SNAP23: variants seen among roughly 807,000 people sequenced by gnomAD.
The protein encoded by SNAP23 is synaptosome associated protein 23.
SNAP23 carries 11 observed loss-of-function variants against 29.0 expected under a neutral mutation model. The observed-to-expected ratio is 0.38, with a 90% CI of 0.24 to 0.63. The LOEUF is 0.63. Ranked by LOEUF, SNAP23 falls within the 20% of genes least tolerant of loss-of-function variation. The pLI is 0.58. For synonymous variants in SNAP23, 60 were observed against 82.9 expected, an observed-to-expected ratio of 0.72 and a Z score of 1.50; for missense variants, 220 against 253.9, an observed-to-expected ratio of 0.87 and a Z score of 0.91.
chr15:42,526,579 A>C (rs1193464636), intron 5 of SNAP23, among the ~76,000 whole-genome samples: 1 of 152,200 alleles, frequency 6.6e-6, no homozygotes, highest in Non-Finnish European at 1.5e-5. Flanking sequence ...CTTTTTTCAT[A>C]AAATCTCTTC....
chr15:42,521,476 AC>A (rs1251989718), intron 5 of SNAP23: 11 of 1,344,576 alleles, frequency 8.2e-6, no homozygotes, highest in Non-Finnish European at 1.0e-5. Context: ...TTTCTATGAA[AC>A]CAGGCAGGAA....
chr15:42,511,953 T>C, intron 2 of SNAP23, 50 bp downstream of exon 2: 3 of 1,316,706 alleles, frequency 2.3e-6, no homozygotes, highest in Non-Finnish European at 1.1e-6. Flanking sequence ...AGTTTTCATA[T>C]TGGAGGAGTG....
chr15:42,500,465 C>T (rs775176610), intron 1 of SNAP23, among the ~76,000 whole-genome samples: 31 of 150,870 alleles, frequency 2.1e-4, no homozygotes, highest in Non-Finnish European at 3.5e-4. Flanking sequence ...CTCGGCTCAC[C>T]GCAACCTCTG....
chr15:42,524,948 G>C (rs975110744), intron 5 of SNAP23, among the ~76,000 whole-genome samples: 1 of 152,090 alleles, frequency 6.6e-6, no homozygotes, highest in East Asian at 1.9e-4. Context: ...TGAATGAGAC[G>C]CACTGAACTG....
At chr15:42,494,946 C>A (rs1900921), upstream of SNAP23, among the ~76,000 whole-genome samples, 45,169 of 152,016 alleles carry the variant, frequency 0.3, 8,063 homozygotes, top group African/African-American at 0.5. Context: ...TTCAGTGCCC[C>A]TAGTACAAAG....
chr15:42,531,461 A>C lies in SNAP23; in HGVS notation c.619A>C (p.Lys207Gln). Reference sequence around the variant, plus strand: ...TGATATTGCCAATGCCAGAGCAAAGAAACTCATTGACAGCTAAAGCTACTG... The same window carrying C: ...TGATATTGCCAATGCCAGAGCAAAGCAACTCATTGACAGCTAAAGCTACTG... ...RIDIANARAK[K>Q]LIDS The change falls in exon 8 of 8, where the codon AAA (lysine) becomes CAA (glutamine). Residue 207 changes from lysine (K) to glutamine (Q), a missense_variant. Lys to Gln is a moderately conservative substitution (Grantham distance 53). Coordinates refer to ENST00000249647, the MANE Select transcript of SNAP23 (RefSeq NM_003825.4). 1 of 1,601,882 alleles carries C rather than the reference A, an allele frequency of 6.2e-7. No individual in the cohort carries two copies. Among genetic ancestry groups the C allele is most frequent in the Non-Finnish European group, 8.5e-7 (1 of 1,175,372 alleles).
chr15:42,494,602 G>A (rs1450276479), upstream of SNAP23, among the ~76,000 whole-genome samples: 2 of 149,288 alleles, frequency 1.3e-5, no homozygotes, highest in Admixed American at 1.4e-4. Context: ...TGCAACCTCC[G>A]CCTCCCAGGT....
Position 42,509,682 on chromosome 15 carries a change from T to C in SNAP23, c.-14-2151T>C, listed in dbSNP as rs564228675. Among the ~76,000 whole-genome samples the C allele has an allele frequency of 7.3e-5, 11 of 151,712 alleles. No homozygotes were observed. In the South Asian group the frequency reaches 2.1e-3, roughly 29 times the overall value. On this transcript the variant is annotated intron_variant, in intron 1 of 7. Coordinates refer to ENST00000249647, the MANE Select transcript of SNAP23 (RefSeq NM_003825.4). The stretch of plus-strand genomic sequence containing the variant: ...CTCGATCTCCTAACCCCGTGATCCA[T>C]CCGCCTCGGCCTCCCAAAGTATTGG...
chr15:42,502,266 C>T (rs1006052070), intron 1 of SNAP23, among the ~76,000 whole-genome samples: 6 of 152,122 alleles, frequency 3.9e-5, no homozygotes, highest in Admixed American at 6.6e-5. Context: ...CCTCGTGATC[C>T]GCCTGCCTCA....
At chr15:42,529,488 T>C (rs574617983) in intron 6 of SNAP23, among the ~76,000 whole-genome samples, 187 bp from the exon 7 acceptor site, 1 of 152,376 alleles carries the variant, frequency 6.6e-6, no homozygotes, top group African/African-American at 2.4e-5. Flanking sequence ...GGCTTTAAGA[T>C]ACTGTGCTCT....
At chr15:42,509,266 C>T (rs981607059) in intron 1 of SNAP23, among the ~76,000 whole-genome samples, 2 of 152,032 alleles carry the variant, frequency 1.3e-5, no homozygotes, top group Non-Finnish European at 2.9e-5. Context: ...AATAAAATAC[C>T]TGGTTCCTTT....
intron 7 of SNAP23, among the ~76,000 whole-genome samples, 167 bp downstream of exon 7, chr15:42,529,986 C>T (rs1447829497): frequency 6.6e-6 from 1 of 152,172 alleles, no homozygotes; most frequent in Non-Finnish European, 1.5e-5. Flanking sequence ...GAGCCAAGTC[C>T]TCCCTGTCAT....
At chr15:42,524,872 A>G (rs1368901767) in intron 5 of SNAP23, among the ~76,000 whole-genome samples, 1 of 152,096 alleles carries the variant, frequency 6.6e-6, no homozygotes, top group African/African-American at 2.4e-5. Flanking sequence ...GGTGGAGGAA[A>G]CTCCAGGGTG....
chr15:42,518,757 T>C (rs1243578029), intron 5 of SNAP23, among the ~76,000 whole-genome samples: 1 of 152,240 alleles, frequency 6.6e-6, no homozygotes, highest in Non-Finnish European at 1.5e-5. Flanking sequence ...AAGTTTTGTT[T>C]TATTTTTGCT....
At chr15:42,523,450 C>A (rs1158322692) in intron 5 of SNAP23, among the ~76,000 whole-genome samples, 1 of 152,214 alleles carries the variant, frequency 6.6e-6, no homozygotes. Context: ...CAACTACATT[C>A]ATGTACCTGT....
In SNAP23 at chr15:42,529,817, A is replaced by G; in HGVS notation, c.568A>G (p.Lys190Glu). The part of the protein sequence containing the change: ...QNPQIKRITD[K>E]ADTNRDRIDI... ...TCCACAAATAAAACGAATCACAGAC[A>G]AGGTAAAAGCTTTTTATTGCCACAA... Residue 190 changes from lysine to glutamate, a missense_variant and splice_region_variant, in exon 7 of 8, where the codon AAG becomes GAG. Physicochemically the swap from Lys to Glu is moderately conservative, Grantham distance 56. Coordinates refer to ENST00000249647, the MANE Select transcript of SNAP23 (RefSeq NM_003825.4). 6.2e-7 allele frequency: 1 copy of G among 1,611,098 alleles called. No individual in the cohort carries two copies. Among genetic ancestry groups the G allele is most frequent in the South Asian group, 1.1e-5 (1 of 90,640 alleles).
chr15:42,530,863 G>C (rs924648178), intron 7 of SNAP23, among the ~76,000 whole-genome samples: 6 of 152,230 alleles, frequency 3.9e-5, no homozygotes, highest in Admixed American at 2.0e-4. Context: ...AATTGAAACA[G>C]TGGTTCACAA....
intron 1 of SNAP23, among the ~76,000 whole-genome samples, chr15:42,503,135 A>G (rs1338906781): frequency 6.6e-6 from 1 of 152,052 alleles, no homozygotes; most frequent in Non-Finnish European, 1.5e-5. Context: ...ATTTGTTAAT[A>G]TGATTTCTGT....
intron 1 of SNAP23, chr15:42,505,210 C>G (rs1211599172): frequency 6.6e-6 from 1 of 151,964 alleles, no homozygotes; most frequent in Admixed American, 6.6e-5. Flanking sequence ...CAGACGTGCA[C>G]TACTGCACTC....
Sources: allele counts gnomAD v4.1 joint callset (sites outside exome capture counted in the v4.1 genomes callset), GRCh38; gene constraint gnomAD v4.1.1; transcripts MANE v1.5; gene names NCBI Gene and HGNC (gene_info 2026-07-23, HGNC 2026-07-21).